Variants in PPP3R1 observed in about 807,000 individuals in gnomAD.
PPP3R1 encodes the protein protein phosphatase 3 regulatory subunit B, alpha.
A neutral mutation model predicts 22.6 loss-of-function variants in PPP3R1; 5 were observed. The observed-to-expected ratio is 0.22, with a 90% CI of 0.12 to 0.46. PPP3R1 has a LOEUF of 0.46. PPP3R1 is among the 20% of genes least tolerant of loss of function. The pLI, the probability that PPP3R1 is intolerant of heterozygous loss-of-function variation, is 0.99. For synonymous variants in PPP3R1, 56 were observed against 65.2 expected (o/e 0.86, Z 0.68); for missense variants, 61 against 203.2 (o/e 0.30, Z 4.25).
At chr2:68,187,560 T>C (rs1025595877) in intron 3 of PPP3R1, among the ~76,000 whole-genome samples, 1 of 152,148 alleles carries the variant, frequency 6.6e-6, no homozygotes, top group African/African-American at 2.4e-5. Flanking sequence ...AAGTGCAAGA[T>C]AAAAGAACAC....
At chr2:68,181,594 CT>C (rs35684152) in intron 5 of PPP3R1, among the ~76,000 whole-genome samples, 43 of 137,726 alleles carry the variant, frequency 3.1e-4, no homozygotes, top group Non-Finnish European at 4.6e-4. Context: ...TCACATTTTC[CT>C]TTTTTTTTTT....
intron 1 of PPP3R1, among the ~76,000 whole-genome samples, chr2:68,243,157 G>A (rs913156757): frequency 6.6e-6 from 1 of 152,050 alleles, no homozygotes. Flanking sequence ...AACAGTATAG[G>A]AATCTATGAA....
intron 1 of PPP3R1, among the ~76,000 whole-genome samples, chr2:68,227,721 A>G (rs1263758438): frequency 6.6e-6 from 1 of 152,152 alleles, no homozygotes; most frequent in Non-Finnish European, 1.5e-5. Context: ...TCACTTTGAC[A>G]GTTAAACTAT....
In PPP3R1 at chr2:68,243,500, A is replaced by G. The variant is rs555502949; in HGVS notation, c.3+8625T>C. Among the ~76,000 whole-genome samples the G allele has an allele frequency of 1.7e-3, 263 of 152,310 alleles. 1 individual carries two copies. The highest frequency in any genetic ancestry group is 2.6e-3 in the Non-Finnish European group (174 of 68,000). ...TAAACAATCAAGCTTGAGTTAAAAA[A>G]GACGCTTTATCCATTATACTTCAGA... On this transcript the variant is annotated intron_variant, in intron 1 of 5. Coordinates refer to ENST00000234310, the MANE Select transcript of PPP3R1 (RefSeq NM_000945.4).
At chr2:68,245,830 T>G (rs1012818714) in intron 1 of PPP3R1, among the ~76,000 whole-genome samples, 14 of 152,088 alleles carry the variant, frequency 9.2e-5, no homozygotes, top group African/African-American at 3.4e-4. Flanking sequence ...ACTTAACACA[T>G]GACTTCCTTT....
At chr2:68,194,872 G>A (rs1674736677) in intron 2 of PPP3R1, among the ~76,000 whole-genome samples, 1 of 152,004 alleles carries the variant, frequency 6.6e-6, no homozygotes, top group Non-Finnish European at 1.5e-5. Flanking sequence ...TCTTTTAATA[G>A]CTACTTTACA....
chr2:68,188,593 A>AG lies in PPP3R1; in HGVS notation c.140dup (p.Glu48Ter). ...GTACTAAAGGATTCTGTTGTAACTC[A>AG]GGCAGAGACATGAACTCTTCCACAC... is the stretch of plus-strand genomic sequence containing the variant. On this transcript the variant is annotated frameshift_variant, in exon 3 of 6. Coordinates refer to ENST00000234310, the MANE Select transcript of PPP3R1 (RefSeq NM_000945.4). LOFTEE classifies it high-confidence loss of function. The AG allele has an allele frequency of 6.2e-7, 1 of 1,613,398 alleles. No homozygotes were observed. The highest frequency in any genetic ancestry group is 8.5e-7 in the Non-Finnish European group (1 of 1,179,506).
intron 1 of PPP3R1, among the ~76,000 whole-genome samples, chr2:68,232,108 A>AT (rs574107859): frequency 0.035 from 3,165 of 89,780 alleles, 255 homozygotes; most frequent in African/African-American, 0.13. Context: ...AAAAAAAAAA[A>AT]ATATATATAT....
At position 68,195,065 on chromosome 2, in the gene PPP3R1, ATTCT is replaced by A. The variant is rs1182103713; in HGVS notation, c.44-6379_44-6376del. On this transcript the variant is annotated intron_variant, in intron 2 of 5. Transcript: ENST00000234310. ...TTTTCACTCATGTATGTGGTTTAAT[ATTCT>A]TTAGCCAATGTTAATTTCTTGATGT... Among the ~76,000 whole-genome samples, 8 of 152,282 alleles carry A rather than the reference ATTCT, an allele frequency of 5.3e-5. No homozygotes were observed. The East Asian group carries it at 1.3e-3, about 26-fold the overall frequency.
chr2:68,239,436 A>T lies in PPP3R1; in HGVS notation c.3+12689T>A, dbSNP rs1000591171. On this transcript the variant is annotated intron_variant, in intron 1 of 5. Coordinates refer to ENST00000234310, the MANE Select transcript of PPP3R1 (RefSeq NM_000945.4). ...GTATGACTGTACAAGGTTTCCAGGTAAAAGTGCATGGATAGACACTGTTTC... is the reference window on the plus strand; with the variant it reads ...GTATGACTGTACAAGGTTTCCAGGTTAAAGTGCATGGATAGACACTGTTTC... 5.9e-5 allele frequency among the ~76,000 whole-genome samples: 9 copies of T among 152,238 alleles called. 1 individual carries two copies. Among genetic ancestry groups the T allele is most frequent in the African/African-American group, 1.9e-4 (8 of 41,460 alleles).
chr2:68,184,238 C>T (rs1194095165), intron 5 of PPP3R1, among the ~76,000 whole-genome samples: 1 of 152,216 alleles, frequency 6.6e-6, no homozygotes, highest in Non-Finnish European at 1.5e-5. Flanking sequence ...TCACTTTCAT[C>T]CTCACTTCCA....
chr2:68,226,810 C>T (rs1446470145), intron 1 of PPP3R1, among the ~76,000 whole-genome samples: 2 of 152,064 alleles, frequency 1.3e-5, no homozygotes, highest in African/African-American at 4.8e-5. Context: ...CGTTAAAGTA[C>T]AAGGTTAGAT....
chr2:68,196,181 G>T (rs1246241188), intron 2 of PPP3R1, among the ~76,000 whole-genome samples: 1 of 152,114 alleles, frequency 6.6e-6, no homozygotes. Flanking sequence ...AAACCTCATA[G>T]TGTTATCAAC....
At chr2:68,235,347 A>G (rs772752118) in intron 1 of PPP3R1, among the ~76,000 whole-genome samples, 3 of 152,194 alleles carry the variant, frequency 2.0e-5, no homozygotes, top group Non-Finnish European at 2.9e-5. Context: ...AAAAGCCTGT[A>G]TCTACTGGCA....
intron 2 of PPP3R1, 26 bp downstream of exon 2, chr2:68,217,066 C>A: frequency 2.0e-6 from 3 of 1,534,398 alleles, no homozygotes; most frequent in South Asian, 1.2e-5. Flanking sequence ...ATAAAAGTAA[C>A]TTTTGGTAAC....
At position 68,180,841 on chromosome 2, in the gene PPP3R1, T is replaced by C. The variant is rs1246415033; in HGVS notation, c.*122A>G. 1.3e-5 allele frequency: 13 copies of C among 991,990 alleles called. No homozygotes were observed. The highest frequency in any genetic ancestry group is 2.3e-5 in the Admixed American group (1 of 43,614). The allele number at this position is 991,990 out of a possible 1,614,324, so 61.4% of individuals were successfully genotyped here. On this transcript the variant is annotated 3_prime_UTR_variant, in exon 6 of 6. Coordinates refer to ENST00000234310, the MANE Select transcript of PPP3R1 (RefSeq NM_000945.4). Reference sequence around the variant, plus strand: ...GCTTCATGAGGCTCATGTTGGAAAATGTGGCTTCACAGAGAAAAATACTTC... The same window carrying C: ...GCTTCATGAGGCTCATGTTGGAAAACGTGGCTTCACAGAGAAAAATACTTC...
intron 2 of PPP3R1, among the ~76,000 whole-genome samples, chr2:68,216,480 A>T (rs202028925): frequency 0.13 from 8,264 of 64,826 alleles, 810 homozygotes; most frequent in African/African-American, 0.27. Context: ...TAAAAATTAA[A>T]AAAAAAAAAG....
At chr2:68,249,466 G>A (rs1488453552) in intron 1 of PPP3R1, among the ~76,000 whole-genome samples, 1 of 151,990 alleles carries the variant, frequency 6.6e-6, no homozygotes, top group African/African-American at 2.4e-5. Context: ...GACATGAAAA[G>A]GCCTTTATAA....
intron 2 of PPP3R1, among the ~76,000 whole-genome samples, chr2:68,210,312 C>T (rs542806667): frequency 6.6e-6 from 1 of 152,288 alleles, no homozygotes; most frequent in Non-Finnish European, 1.5e-5. Context: ...CATTCAAGAA[C>T]TTCTAAGCAT....
Sources: gnomAD v4.1 joint callset for allele counts (sites outside exome capture counted in the v4.1 genomes callset) on GRCh38, gnomAD v4.1.1 for gene constraint, MANE v1.5 for transcripts, NCBI Gene and HGNC (gene_info 2026-07-23, HGNC 2026-07-21) for gene names.